CCDC68: variants seen among roughly 807,000 people sequenced by gnomAD.
The protein encoded by CCDC68 is coiled-coil domain containing 68, also known as coiled-coil domain-containing protein 68.
Under a neutral mutation model 47.1 loss-of-function variants are expected in CCDC68, and 45 were observed. That is an observed-to-expected ratio of 0.96 (90% CI 0.75 to 1.23). The LOEUF (loss-of-function observed/expected upper bound fraction) is 1.23. Ranked by LOEUF, CCDC68 falls within the 50% of genes most tolerant of loss-of-function variation. CCDC68 has a pLI of 0.00. For missense variants in CCDC68, 353 were observed against 373.6 expected, an observed-to-expected ratio of 0.94 and a Z score of 0.45; for synonymous variants, 131 against 129.5, an observed-to-expected ratio of 1.01 and a Z score of -0.08.
chr18:54,912,923 G>C (rs974580605), intron 10 of CCDC68, among the ~76,000 whole-genome samples: 2 of 152,138 alleles, frequency 1.3e-5, no homozygotes, highest in African/African-American at 4.8e-5. Context: ...ACAGTACAGG[G>C]GAAACTATCC....
chr18:54,904,449 G>A lies in CCDC68; in HGVS notation c.951-34C>T, dbSNP rs368435094. 2.0e-5 allele frequency: 32 copies of A among 1,566,162 alleles called. No homozygotes were observed. The African/African-American group carries it at 4.2e-4, about 21-fold the overall frequency. ...AAGACAACACGATGATCAAAATGGA[G>A]AATGTTAAACTCTAGTGATTATGGC... On this transcript the variant is annotated intron_variant, in intron 11 of 11. Coordinates refer to ENST00000591504, the MANE Select transcript of CCDC68 (RefSeq NM_025214.3).
In CCDC68 at chr18:54,950,994, C is replaced by T. The variant is rs373744008; in HGVS notation, c.-102-5517G>A. Reference sequence around the variant, plus strand: ...CGCGATCTCGGCTCACTGCAAGCTCCGCCTCCCGGGTTCACGCCATTCTCC... The same window carrying T: ...CGCGATCTCGGCTCACTGCAAGCTCTGCCTCCCGGGTTCACGCCATTCTCC... On this transcript the variant is annotated intron_variant, in intron 1 of 11. Coordinates refer to ENST00000591504, the MANE Select transcript of CCDC68 (RefSeq NM_025214.3). Among the ~76,000 whole-genome samples, 57 of 142,744 alleles carry T rather than the reference C, an allele frequency of 4.0e-4. 2 individuals carry two copies. The highest frequency in any genetic ancestry group is 1.4e-3 in the East Asian group (7 of 4,830). The allele number at this position is 142,744 out of a possible 152,430, so 93.6% of individuals were successfully genotyped here.
Position 54,903,549 on chromosome 18 carries a change from T to G in CCDC68, c.*809A>C, listed in dbSNP as rs1345855695. 6.6e-6 allele frequency: 1 copy of G among 152,228 alleles called. No homozygotes were observed. The highest frequency in any genetic ancestry group is 1.5e-5 in the Non-Finnish European group (1 of 68,038). The allele number at this position is 152,228 out of a possible 1,614,324, so 9.4% of individuals were successfully genotyped here. On this transcript the variant is annotated 3_prime_UTR_variant, in exon 12 of 12. Coordinates refer to ENST00000591504, the MANE Select transcript of CCDC68 (RefSeq NM_025214.3). ...GGAAGTATGAGCTAACAGCATTATT[T>G]TTCTATCCCCCCAATATTTTATTTA...
intron 5 of CCDC68, 105 bp downstream of exon 5, chr18:54,937,852 T>TAC: frequency 1.2e-6 from 1 of 868,944 alleles, no homozygotes; most frequent in East Asian, 2.7e-5. Context: ...GACCTATGGA[T>TAC]GTGTGTGGAC....
At chr18:54,916,493 G>A (rs978411360) in intron 10 of CCDC68, among the ~76,000 whole-genome samples, 7 of 152,110 alleles carry the variant, frequency 4.6e-5, no homozygotes, top group African/African-American at 1.7e-4. Flanking sequence ...TACAGGACTG[G>A]GCAACATTAC....
chr18:54,943,702 A>G (rs1356666104), intron 2 of CCDC68, among the ~76,000 whole-genome samples: 2 of 152,226 alleles, frequency 1.3e-5, no homozygotes, highest in African/African-American at 4.8e-5. Flanking sequence ...GTTAGTGGAA[A>G]TATTGGTATT....
intron 6 of CCDC68, among the ~76,000 whole-genome samples, chr18:54,936,115 T>G (rs2044338091): frequency 6.8e-6 from 1 of 146,304 alleles, no homozygotes; most frequent in South Asian, 2.1e-4. Context: ...ATTATTTATA[T>G]AGATAAATAT....
intron 1 of CCDC68, among the ~76,000 whole-genome samples, chr18:54,948,861 G>A (rs1304696988): frequency 6.6e-6 from 1 of 152,202 alleles, no homozygotes; most frequent in Non-Finnish European, 1.5e-5. Flanking sequence ...ATCTGAGGAG[G>A]TGGTATTTGA....
chr18:54,945,917 T>C (rs1319581132), intron 1 of CCDC68, among the ~76,000 whole-genome samples: 4 of 152,156 alleles, frequency 2.6e-5, no homozygotes, highest in Non-Finnish European at 5.9e-5. Context: ...AGAGAGAGGA[T>C]GGTCAGGCCA....
Position 54,937,868 on chromosome 18 carries a change from T to C in CCDC68, c.345+89A>G, listed in dbSNP as rs531811490. The C allele has an allele frequency of 1.0e-5, 12 of 1,184,498 alleles. 1 individual carries two copies. In the East Asian group the frequency reaches 1.7e-4, roughly 17 times the overall value. The allele number at this position is 1,184,498 out of a possible 1,614,324, so 73.4% of individuals were successfully genotyped here. A position where few individuals can be genotyped will look rare whatever the true frequency, so the allele number is the denominator to read the frequency against. ...ACCTATGGATGTGTGTGGACATCTC[T>C]CTGCTTTTACAGAGCCACAGATGCT... On this transcript the variant is annotated intron_variant, in intron 5 of 11. Coordinates refer to ENST00000591504, the MANE Select transcript of CCDC68 (RefSeq NM_025214.3).
intron 10 of CCDC68, among the ~76,000 whole-genome samples, chr18:54,915,367 A>C (rs2043927470): frequency 6.6e-6 from 1 of 152,226 alleles, no homozygotes; most frequent in African/African-American, 2.4e-5. Context: ...TAAGTGTAGA[A>C]GTAATTACAT....
At chr18:54,936,341 T>C (rs1181800817) in intron 6 of CCDC68, among the ~76,000 whole-genome samples, 1 of 148,484 alleles carries the variant, frequency 6.7e-6, no homozygotes, top group African/African-American at 2.5e-5. Context: ...TATTTAAAAA[T>C]ATATAGATAC....
intron 8 of CCDC68, among the ~76,000 whole-genome samples, chr18:54,921,627 C>CG (rs1425869337): frequency 1.3e-5 from 2 of 152,122 alleles, no homozygotes; most frequent in Non-Finnish European, 2.9e-5. Context: ...CACAAAATGA[C>CG]GGGGGAACAA....
At chr18:54,940,395 T>C (rs2044416118) in intron 4 of CCDC68, among the ~76,000 whole-genome samples, 1 of 152,202 alleles carries the variant, frequency 6.6e-6, no homozygotes, top group African/African-American at 2.4e-5. Context: ...CTAGTTATGT[T>C]AGTGTGGGAG....
intron 6 of CCDC68, among the ~76,000 whole-genome samples, chr18:54,935,583 G>A (rs537786245): frequency 6.6e-6 from 1 of 152,266 alleles, no homozygotes; most frequent in African/African-American, 2.4e-5. Flanking sequence ...ACTCCAGGCT[G>A]GTGCCGAGCC....
chr18:54,952,771 G>C (rs2044640096), intron 1 of CCDC68, among the ~76,000 whole-genome samples: 1 of 152,304 alleles, frequency 6.6e-6, no homozygotes, highest in African/African-American at 2.4e-5. Flanking sequence ...CCAGCACTTT[G>C]GGAGGCCGAG....
rs571144988 is a variant in CCDC68, at chr18:54,934,462, G to T, written c.600+358C>A. On this transcript the variant is annotated intron_variant, in intron 7 of 11. Coordinates refer to ENST00000591504, the MANE Select transcript of CCDC68 (RefSeq NM_025214.3). ...TACATAAAAATGCTGTGATTACAGG[G>T]AACTGCTACATTATTACTCCTAATA... Among the ~76,000 whole-genome samples, 213 of 152,224 alleles carry T rather than the reference G, an allele frequency of 1.4e-3. 1 individual carries two copies. The highest frequency in any genetic ancestry group is 4.9e-3 in the African/African-American group (203 of 41,552).
chr18:54,939,232 C>T (rs1316854804), intron 4 of CCDC68, among the ~76,000 whole-genome samples: 1 of 151,884 alleles, frequency 6.6e-6, no homozygotes, highest in African/African-American at 2.4e-5. Context: ...TTCCACTCTT[C>T]ATATACAGAG....
chr18:54,926,720 TAAAA>T (rs2145475383), intron 8 of CCDC68, among the ~76,000 whole-genome samples: 1 of 152,220 alleles, frequency 6.6e-6, no homozygotes, highest in South Asian at 2.1e-4. Context: ...TTTCTAGAAA[TAAAA>T]GAAAGATGGT....
Sources: gnomAD v4.1 joint callset for allele counts (sites outside exome capture counted in the v4.1 genomes callset) on GRCh38, gnomAD v4.1.1 for gene constraint, MANE v1.5 for transcripts, NCBI Gene and HGNC (gene_info 2026-07-23, HGNC 2026-07-21) for gene names.